PDLIM5: variants seen among roughly 807,000 people sequenced by gnomAD.
PDLIM5 encodes PDZ and LIM domain 5.
PDLIM5 carries 34 observed loss-of-function variants against 64.2 expected under a neutral mutation model. That is an observed-to-expected ratio of 0.53 (90% CI 0.40 to 0.71). The LOEUF is 0.71. Among genes scored for constraint, PDLIM5 ranks in the 30% least tolerant of loss-of-function variants. The pLI is 0.00. For missense variants in PDLIM5, 683 were observed against 733.6 expected (o/e 0.93, Z 0.80); for synonymous variants, 253 against 269.1 (o/e 0.94, Z 0.59).
At chr4:94,466,160 G>A (rs1407301913) in intron 2 of PDLIM5, among the ~76,000 whole-genome samples, 1 of 151,972 alleles carries the variant, frequency 6.6e-6, no homozygotes, top group Non-Finnish European at 1.5e-5. Flanking sequence ...TAGAAACAGG[G>A]TCTCATTATG....
In PDLIM5 at chr4:94,540,739, C is replaced by T. The variant is rs148038346; in HGVS notation, c.248+16864C>T. Among the ~76,000 whole-genome samples the T allele has an allele frequency of 5.9e-3, 897 of 152,216 alleles. 5 individuals are homozygous for T. The highest frequency in any genetic ancestry group is 0.011 in the Admixed American group (161 of 15,292). On this transcript the variant is annotated intron_variant, in intron 3 of 12. Coordinates refer to ENST00000317968, the MANE Select transcript of PDLIM5 (RefSeq NM_006457.5). ...TTATTGTCTCTTTTCCATTGCTTACCTTCTATTTAAAACCTGTTCTGCTCC... is the reference window on the plus strand; with the variant it reads ...TTATTGTCTCTTTTCCATTGCTTACTTTCTATTTAAAACCTGTTCTGCTCC...
At chr4:94,580,244 G>T (rs568243791) in intron 5 of PDLIM5, among the ~76,000 whole-genome samples, 2 of 152,160 alleles carry the variant, frequency 1.3e-5, no homozygotes, top group East Asian at 3.9e-4. Flanking sequence ...TTATTAATTA[G>T]CTTATGGTTA....
intron 2 of PDLIM5, among the ~76,000 whole-genome samples, chr4:94,468,767 A>T (rs1301697303): frequency 6.6e-6 from 1 of 152,176 alleles, no homozygotes; most frequent in Non-Finnish European, 1.5e-5. Flanking sequence ...AAGTGGGTAA[A>T]TTCTCAGTAT....
intron 7 of PDLIM5, among the ~76,000 whole-genome samples, chr4:94,596,985 C>T (rs1008737459): frequency 2.0e-5 from 3 of 152,042 alleles, no homozygotes; most frequent in African/African-American, 7.2e-5. Flanking sequence ...GTGTTCATCT[C>T]ACAGATGCAC....
intron 9 of PDLIM5, among the ~76,000 whole-genome samples, chr4:94,643,659 A>G (rs953558033): frequency 6.6e-6 from 1 of 152,202 alleles, no homozygotes; most frequent in Non-Finnish European, 1.5e-5. Flanking sequence ...TAAATATGGA[A>G]TGCTTAAATA....
At chr4:94,462,950 A>C (rs1560631368) in intron 2 of PDLIM5, among the ~76,000 whole-genome samples, 1 of 152,216 alleles carries the variant, frequency 6.6e-6, no homozygotes, top group Non-Finnish European at 1.5e-5. Flanking sequence ...TAATCTAGGA[A>C]ATAAAAACAT....
chr4:94,484,534 A>C (rs2126111036), intron 2 of PDLIM5, among the ~76,000 whole-genome samples: 1 of 152,318 alleles, frequency 6.6e-6, no homozygotes, highest in South Asian at 2.1e-4. Context: ...AAACTCTTTT[A>C]CATGCATTCT....
intron 8 of PDLIM5, among the ~76,000 whole-genome samples, chr4:94,624,412 G>A (rs1400059238): frequency 6.6e-6 from 1 of 152,102 alleles, no homozygotes; most frequent in African/African-American, 2.4e-5. Context: ...TGTCATTGTG[G>A]ACAAATTAGC....
chr4:94,541,583 A>G (rs1560689642), intron 3 of PDLIM5, among the ~76,000 whole-genome samples: 1 of 152,256 alleles, frequency 6.6e-6, no homozygotes, highest in Non-Finnish European at 1.5e-5. Context: ...GCAGGGAGCC[A>G]TAACTTAACA....
chr4:94,535,856 T>A (rs1216998779), intron 3 of PDLIM5, among the ~76,000 whole-genome samples: 2 of 117,610 alleles, frequency 1.7e-5, no homozygotes, highest in Non-Finnish European at 3.6e-5. Flanking sequence ...TTTTTTTTTT[T>A]AATGTCAAGT....
At chr4:94,591,596 C>T (rs967103249) in intron 7 of PDLIM5, among the ~76,000 whole-genome samples, 1 of 152,200 alleles carries the variant, frequency 6.6e-6, no homozygotes, top group Non-Finnish European at 1.5e-5. Context: ...ATGCAGTGAA[C>T]TAATTGATAA....
At chr4:94,474,466 G>A (rs572299505) in intron 2 of PDLIM5, among the ~76,000 whole-genome samples, 137 of 152,106 alleles carry the variant, frequency 9.0e-4, no homozygotes, top group South Asian at 3.7e-3. Flanking sequence ...GGCCAGGCTG[G>A]TATGAAACTC....
intron 2 of PDLIM5, among the ~76,000 whole-genome samples, chr4:94,485,794 G>A (rs534821996): frequency 6.8e-5 from 10 of 146,248 alleles, no homozygotes; most frequent in African/African-American, 2.0e-4. Context: ...AAGTTGCAGC[G>A]AGCCAATATT....
chr4:94,619,492 T>G (rs574920256), intron 8 of PDLIM5, among the ~76,000 whole-genome samples: 16 of 152,120 alleles, frequency 1.1e-4, no homozygotes, highest in African/African-American at 3.9e-4. Context: ...CACAAAAAAT[T>G]ATCCGGGCAT....
chr4:94,615,790 T>G (rs900511112), intron 7 of PDLIM5, among the ~76,000 whole-genome samples: 5 of 152,152 alleles, frequency 3.3e-5, no homozygotes, highest in Admixed American at 1.3e-4. Flanking sequence ...TTTTTTTATA[T>G]TAGGAATCAC....
At chr4:94,475,248 C>T (rs1725224913) in intron 2 of PDLIM5, among the ~76,000 whole-genome samples, 1 of 151,860 alleles carries the variant, frequency 6.6e-6, no homozygotes, top group Non-Finnish European at 1.5e-5. Flanking sequence ...GAACTACTTT[C>T]TAAATTCAGT....
At chr4:94,585,335 C>G (rs1478304703) in intron 5 of PDLIM5, among the ~76,000 whole-genome samples, 1 of 152,130 alleles carries the variant, frequency 6.6e-6, no homozygotes, top group Non-Finnish European at 1.5e-5. Context: ...CATGATCCGC[C>G]CACCTCAGCC....
chr4:94,635,594 A>T (rs758557394), intron 8 of PDLIM5, among the ~76,000 whole-genome samples: 3 of 152,200 alleles, frequency 2.0e-5, no homozygotes, highest in Admixed American at 6.5e-5. Flanking sequence ...TTAGAGGTCA[A>T]TGTGCTACCC....
Position 94,575,696 on chromosome 4 carries a change from C to T in PDLIM5, c.372C>T (p.Ala124=). The T allele has an allele frequency of 6.2e-7, 1 of 1,613,730 alleles. No homozygotes were observed. The highest frequency in any genetic ancestry group is 8.5e-7 in the Non-Finnish European group (1 of 1,179,696). Residue 124 remains alanine, a synonymous_variant, in exon 5 of 13, where the codon GCC becomes GCT. Transcript: ENST00000317968. ...VSKVTSTNNM[A]YNKAPRPFGS... ...AAGTCACTTCCACAAACAACATGGC[C>T]TACAATAAGGCACCACGGCCTTTTG...
Sources: allele counts gnomAD v4.1 joint callset (sites outside exome capture counted in the v4.1 genomes callset), GRCh38; gene constraint gnomAD v4.1.1; transcripts MANE v1.5; gene names NCBI Gene and HGNC (gene_info 2026-07-23, HGNC 2026-07-21).